SAMTOR: variants seen among roughly 807,000 people sequenced by gnomAD.
SAMTOR encodes UPF0532 protein C7orf60.
At chr7:112,832,833 T>C in the SAMTOR span, among the ~76,000 whole-genome samples, 1 of 152,246 alleles carries the variant, frequency 6.6e-6, no homozygotes, top group Non-Finnish European at 1.5e-5. Context: ...TTATATCTAT[T>C]AATAATGATC....
chr7:112,858,956 G>C, the SAMTOR span, among the ~76,000 whole-genome samples: 1 of 152,140 alleles, frequency 6.6e-6, no homozygotes, highest in Non-Finnish European at 1.5e-5. Flanking sequence ...TTTAGATGTC[G>C]TTGTGAAGGC....
At chr7:112,909,647 G>A in the SAMTOR span, among the ~76,000 whole-genome samples, 3 of 151,938 alleles carry the variant, frequency 2.0e-5, no homozygotes, top group Non-Finnish European at 4.4e-5. Flanking sequence ...AATCAGTATT[G>A]CAATTTTTAA....
chr7:112,840,831 C>A, the SAMTOR span, among the ~76,000 whole-genome samples: 1 of 152,046 alleles, frequency 6.6e-6, no homozygotes, highest in African/African-American at 2.4e-5. Flanking sequence ...ATTAACAGAA[C>A]CACATGATTA....
At chr7:112,869,256 G>C in the SAMTOR span, among the ~76,000 whole-genome samples, 2 of 152,140 alleles carry the variant, frequency 1.3e-5, no homozygotes. Flanking sequence ...TGGGCTGAGA[G>C]AGGTGCTGTG....
At chr7:112,889,563 A>C in the SAMTOR span, among the ~76,000 whole-genome samples, 1 of 152,194 alleles carries the variant, frequency 6.6e-6, no homozygotes, top group Non-Finnish European at 1.5e-5. Flanking sequence ...TTTTAGAATG[A>C]ACAAAATCTA....
chr7:112,866,632 C>T, the SAMTOR span, among the ~76,000 whole-genome samples: 1 of 152,110 alleles, frequency 6.6e-6, no homozygotes, highest in East Asian at 1.9e-4. Context: ...TGGGTGCAAC[C>T]CAAGAAGAGG....
chr7:112,892,403 T>A, the SAMTOR span, among the ~76,000 whole-genome samples: 1 of 152,186 alleles, frequency 6.6e-6, no homozygotes, highest in Non-Finnish European at 1.5e-5. Context: ...CAGAAGGTTT[T>A]AATGGACTTT....
chr7:112,911,480 G>C, the SAMTOR span, among the ~76,000 whole-genome samples: 34,769 of 151,756 alleles, frequency 0.23, 4,454 homozygotes, highest in Middle Eastern at 0.4. Context: ...GGAGAAAAAG[G>C]GTATTTATGC....
At chr7:112,930,361 C>T in the SAMTOR span, among the ~76,000 whole-genome samples, 1 of 151,770 alleles carries the variant, frequency 6.6e-6, no homozygotes, top group African/African-American at 2.4e-5. Context: ...AATTAAGAGC[C>T]AAAAAGTAAC....
the SAMTOR span, among the ~76,000 whole-genome samples, chr7:112,875,864 G>A: frequency 2.6e-5 from 4 of 152,150 alleles, no homozygotes; most frequent in African/African-American, 9.7e-5. Context: ...TTCCACAGTT[G>A]AAGTTTCTCT....
the SAMTOR span, among the ~76,000 whole-genome samples, chr7:112,922,911 G>A: frequency 3.6e-5 from 4 of 111,180 alleles, no homozygotes; most frequent in African/African-American, 7.0e-5. Flanking sequence ...CGGGCCAGCC[G>A]CCCCATCCGT....
chr7:112,897,540 A>G, the SAMTOR span, among the ~76,000 whole-genome samples: 3 of 152,228 alleles, frequency 2.0e-5, no homozygotes, highest in South Asian at 6.2e-4. Flanking sequence ...ACAATCATCT[A>G]AATTCCAATA....
At chr7:112,866,884 C>T in the SAMTOR span, among the ~76,000 whole-genome samples, 2 of 152,138 alleles carry the variant, frequency 1.3e-5, no homozygotes, top group African/African-American at 4.8e-5. Context: ...TTTTTTCCTC[C>T]TCTCAAGATG....
chr7:112,924,214 A>T, the SAMTOR span, among the ~76,000 whole-genome samples: 1 of 152,140 alleles, frequency 6.6e-6, no homozygotes, highest in Non-Finnish European at 1.5e-5. Context: ...AAAAGAAAAA[A>T]AACTATAAAT....
the SAMTOR span, chr7:112,821,124 T>C: frequency 6.6e-6 from 1 of 152,360 alleles, no homozygotes; most frequent in Non-Finnish European, 1.5e-5. Flanking sequence ...GGGGGACATC[T>C]CTCCCCCAAT....
the SAMTOR span, among the ~76,000 whole-genome samples, chr7:112,839,989 G>T: frequency 6.6e-6 from 1 of 151,650 alleles, no homozygotes. Context: ...GTTTTAATTG[G>T]AATATTTTGA....
the SAMTOR span, chr7:112,821,630 C>G: frequency 1.0e-6 from 1 of 995,400 alleles, no homozygotes; most frequent in South Asian, 2.0e-5. Flanking sequence ...CTGTAAACCT[C>G]TGCATTTCTT....
chr7:112,938,906 T>A, the SAMTOR span, among the ~76,000 whole-genome samples: 1 of 152,162 alleles, frequency 6.6e-6, no homozygotes, highest in Non-Finnish European at 1.5e-5. Context: ...AGGCTTCCAA[T>A]ACAAACGGTA....
the SAMTOR span, among the ~76,000 whole-genome samples, chr7:112,874,794 A>G: frequency 2.6e-5 from 4 of 152,174 alleles, no homozygotes; most frequent in African/African-American, 9.6e-5. Context: ...ATACAGTAAC[A>G]CTCAGCAAAT....
Sources: gnomAD v4.1 joint callset for allele counts (sites outside exome capture counted in the v4.1 genomes callset) on GRCh38, gnomAD v4.1.1 for gene constraint, MANE v1.5 for transcripts, NCBI Gene and HGNC (gene_info 2026-07-23, HGNC 2026-07-21) for gene names.